Variants in GBF1 observed in about 807,000 individuals in gnomAD.
GBF1 encodes Golgi-specific brefeldin A-resistance guanine nucleotide exchange factor 1.
GBF1 carries 114 observed loss-of-function variants against 210.5 expected under a neutral mutation model. The ratio of observed to expected loss-of-function variants is 0.54; its 90% CI spans 0.47 to 0.63. GBF1 has a LOEUF of 0.63. GBF1 is among the 30% of genes least tolerant of loss of function. The pLI is 0.00. For missense variants in GBF1, 1,851 were observed against 2,357.7 expected (o/e 0.79, Z 4.45); for synonymous variants, 850 against 889.2 (o/e 0.96, Z 0.78).
At position 102,346,877 on chromosome 10, in the gene GBF1, T is replaced by G. The variant is rs184620368; in HGVS notation, c.295+2695T>G. Among the ~76,000 whole-genome samples the G allele has an allele frequency of 5.3e-5, 8 of 152,256 alleles. No individual in the cohort carries two copies. The East Asian group carries it at 1.5e-3, about 29-fold the overall frequency. On this transcript the variant is annotated intron_variant, in intron 4 of 39. Transcript: ENST00000369983. ...TCCTTCACTTCTTTTTTTAATTGAG[T>G]TGGGTTTGTTTTTCATGTCAATTTG...
intron 10 of GBF1, 191 bp from the exon 11 acceptor site, chr10:102,359,076 C>T (rs1366555500): frequency 1.6e-6 from 1 of 606,822 alleles, no homozygotes; most frequent in African/African-American, 1.9e-5. Flanking sequence ...AGTGAAGCCT[C>T]AGGAGATGTT....
intron 3 of GBF1, among the ~76,000 whole-genome samples, chr10:102,336,299 CAAAAAAAA>C (rs566414701): frequency 2.0e-5 from 1 of 49,072 alleles, no homozygotes; most frequent in Admixed American, 2.2e-4. Flanking sequence ...GACTTTGTCT[CAAAAAAAA>C]AAAAAAAGAA....
chr10:102,325,378 C>A (rs532674660), intron 3 of GBF1, among the ~76,000 whole-genome samples: 1 of 151,836 alleles, frequency 6.6e-6, no homozygotes, highest in East Asian at 2.0e-4. Context: ...GGTGAAACCC[C>A]GTCTCTACTA....
chr10:102,309,656 T>A (rs1589585504), intron 3 of GBF1, among the ~76,000 whole-genome samples: 1 of 152,146 alleles, frequency 6.6e-6, no homozygotes, highest in Non-Finnish European at 1.5e-5. Flanking sequence ...ATAAGGCTGG[T>A]TTGGGGTTTT....
intron 3 of GBF1, among the ~76,000 whole-genome samples, chr10:102,263,548 AT>A (rs1015663990): frequency 7.1e-4 from 108 of 151,440 alleles, no homozygotes; most frequent in Non-Finnish European, 1.3e-3. Context: ...AACCAAAATG[AT>A]TTTTTTTTCT....
intron 3 of GBF1, among the ~76,000 whole-genome samples, chr10:102,324,502 A>G (rs778752675): frequency 2.0e-5 from 3 of 152,244 alleles, no homozygotes; most frequent in African/African-American, 7.2e-5. Context: ...GGAAAAAGAC[A>G]TAGACTTTGG....
rs142124729 is a variant in GBF1 at position 102,293,623 on chromosome 10, C to G, written c.163+33507C>G. 2.5e-4 allele frequency among the ~76,000 whole-genome samples: 38 copies of G among 152,074 alleles called. 1 individual carries two copies. Among genetic ancestry groups the G allele is most frequent in the African/African-American group, 8.4e-4 (35 of 41,490 alleles). On this transcript the variant is annotated intron_variant, in intron 3 of 39. Coordinates refer to ENST00000369983, the MANE Select transcript of GBF1 (RefSeq NM_001377137.1). ...ACCAGTGATATTGATGATCCTGACACTCTGTAGGCCTAGGCCAATGTGAGT... is the reference window on the plus strand; with the variant it reads ...ACCAGTGATATTGATGATCCTGACAGTCTGTAGGCCTAGGCCAATGTGAGT...
chr10:102,368,266 G>A lies in GBF1; in HGVS notation c.2691G>A (p.Glu897=). Residue 897 remains glutamate, a synonymous_variant, in exon 22 of 40, where the codon GAG becomes GAA. Coordinates refer to ENST00000369983, the MANE Select transcript of GBF1 (RefSeq NM_001377137.1). ...MPEEQTGLVR[E]NYVWNVLLHR... Reference sequence around the variant, plus strand: ...AGGAGCAGACAGGCTTGGTTCGGGAGAACTATGTGTGGAATGTGCTGCTTC... The same window carrying A: ...AGGAGCAGACAGGCTTGGTTCGGGAAAACTATGTGTGGAATGTGCTGCTTC... 1 of 1,614,120 alleles carries A rather than the reference G, an allele frequency of 6.2e-7. No individual in the cohort carries two copies. The highest frequency in any genetic ancestry group is 8.5e-7 in the Non-Finnish European group (1 of 1,179,960).
At chr10:102,250,731 C>A (rs2071408414) in intron 1 of GBF1, among the ~76,000 whole-genome samples, 1 of 152,010 alleles carries the variant, frequency 6.6e-6, no homozygotes, top group Admixed American at 6.6e-5. Context: ...TCAAGGGAGG[C>A]AGATCACCTG....
chr10:102,375,090 C>G (rs1035915340), intron 29 of GBF1, among the ~76,000 whole-genome samples: 1 of 151,900 alleles, frequency 6.6e-6, no homozygotes, highest in Admixed American at 6.6e-5. Context: ...AGGAGGATCA[C>G]TTGAGCCCAG....
chr10:102,347,364 A>G (rs1201085074), intron 4 of GBF1, among the ~76,000 whole-genome samples: 1 of 152,150 alleles, frequency 6.6e-6, no homozygotes, highest in Admixed American at 6.6e-5. Context: ...TACTTTTCCT[A>G]AACAAAATCA....
At chr10:102,274,014 C>G (rs2074678711) in intron 3 of GBF1, among the ~76,000 whole-genome samples, 1 of 152,162 alleles carries the variant, frequency 6.6e-6, no homozygotes, top group Admixed American at 6.5e-5. Flanking sequence ...AAAAGAGCAT[C>G]TTCTCCAGGA....
rs777959412 is a variant in GBF1 at position 102,344,148 on chromosome 10, C to T, written c.261C>T (p.Thr87=). Residue 87 remains threonine (T), a synonymous_variant, in exon 4 of 40, where the codon ACC becomes ACT. Transcript: ENST00000369983. ...GCCCTATCACTGGACTGGCACTCAC[C>T]TCTGTCAACAAGTTCCTGTCCTATG... ...TTGPITGLAL[T]SVNKFLSYAL... is the part of the protein sequence containing the mutation. The T allele has an allele frequency of 3.1e-6, 5 of 1,613,734 alleles. No individual in the cohort carries two copies. The Admixed American group carries it at 8.3e-5, about 27-fold the overall frequency.
rs386372282 is a variant in GBF1 at position 102,381,823 on chromosome 10, G to GAA, written c.5303-208_5303-207dup. The stretch of plus-strand genomic sequence containing the variant: ...CTGGGTGATAGTGAGACCCTGTCGC[G>GAA]AAAAAAAAAAAAAAAAAAAAAAAAA... On this transcript the variant is annotated intron_variant, in intron 39 of 39. Coordinates refer to ENST00000369983, the MANE Select transcript of GBF1 (RefSeq NM_001377137.1). Among the ~76,000 whole-genome samples, 68 of 19,076 alleles carry GAA rather than the reference G, an allele frequency of 3.6e-3. 6 individuals are homozygous for GAA. Among genetic ancestry groups the GAA allele is most frequent in the East Asian group, 0.01 (6 of 600 alleles). The allele number at this position is 19,076 out of a possible 152,430, so 12.5% of individuals were successfully genotyped here. A position where few individuals can be genotyped will look rare whatever the true frequency, so the allele number is the denominator to read the frequency against.
intron 1 of GBF1, 136 bp from the exon 2 acceptor site, chr10:102,258,793 A>AAAG: frequency 1.9e-6 from 1 of 513,182 alleles, no homozygotes; most frequent in East Asian, 3.3e-5. Context: ...AAAAAAAAAA[A>AAAG]AGAAAGAAAG....
chr10:102,252,586 A>G (rs903787094), intron 1 of GBF1, among the ~76,000 whole-genome samples: 2 of 151,890 alleles, frequency 1.3e-5, no homozygotes, highest in South Asian at 2.1e-4. Flanking sequence ...GCCCACACCT[A>G]TAATCCCAGC....
At chr10:102,258,841 C>G in intron 1 of GBF1, 88 bp from the exon 2 acceptor site, 5 of 614,538 alleles carry the variant, frequency 8.1e-6, no homozygotes, top group Non-Finnish European at 1.5e-5. Flanking sequence ...AATCACAATT[C>G]TAACCTTATC....
chr10:102,239,206 C>T, the GBF1 span, among the ~76,000 whole-genome samples: 1 of 152,352 alleles, frequency 6.6e-6, no homozygotes, highest in South Asian at 2.1e-4. Flanking sequence ...TGACATTCTT[C>T]CTAAGAGCCA....
chr10:102,350,939 T>G (rs1458461003), intron 4 of GBF1, among the ~76,000 whole-genome samples: 7 of 151,852 alleles, frequency 4.6e-5, no homozygotes, highest in Non-Finnish European at 8.8e-5. Flanking sequence ...CAAAAAAAAT[T>G]AGCTGGGCAT....
Sources: allele counts gnomAD v4.1 joint callset (sites outside exome capture counted in the v4.1 genomes callset), GRCh38; gene constraint gnomAD v4.1.1; transcripts MANE v1.5; gene names NCBI Gene and HGNC (gene_info 2026-07-23, HGNC 2026-07-21).